Variants in TBC1D1 observed in about 807,000 individuals in gnomAD.
TBC1D1 encodes TBC1 domain family member 1.
In TBC1D1, 89 loss-of-function variants were observed where a neutral mutation model predicts 125.6. That is an observed-to-expected ratio of 0.71 (90% CI 0.60 to 0.85). TBC1D1 has a LOEUF of 0.85. Ranked by LOEUF, TBC1D1 falls within the 40% of genes least tolerant of loss-of-function variation. The pLI is 0.00. For synonymous variants in TBC1D1, 565 were observed against 564.1 expected, an observed-to-expected ratio of 1.00 and a Z score of -0.02; for missense variants, 1,377 against 1,469.2, an observed-to-expected ratio of 0.94 and a Z score of 1.03.
intron 2 of TBC1D1, among the ~76,000 whole-genome samples, chr4:37,909,369 G>C (rs985200421): frequency 3.9e-5 from 6 of 152,144 alleles, no homozygotes; most frequent in African/African-American, 1.4e-4. Flanking sequence ...GTGTCGCTTT[G>C]TATCATTTTG....
intron 12 of TBC1D1, among the ~76,000 whole-genome samples, chr4:38,059,969 T>C (rs184338211): frequency 9.2e-5 from 14 of 152,258 alleles, no homozygotes; most frequent in Admixed American, 6.5e-4. Context: ...AGCAAAAACA[T>C]GTGGTGTTTG....
Position 37,992,501 on chromosome 4 carries a change from T to G in TBC1D1, c.418-22008T>G, listed in dbSNP as rs201411660. ...AGGACTAGAAGTCTGGTGTTTTTTTTTTTTTTTTTTTGAGACGGAGTCTCG... is the reference window on the plus strand; with the variant it reads ...AGGACTAGAAGTCTGGTGTTTTTTTGTTTTTTTTTTTGAGACGGAGTCTCG... On this transcript the variant is annotated intron_variant, in intron 2 of 19. Transcript: ENST00000261439. Among the ~76,000 whole-genome samples the G allele has an allele frequency of 6.6e-5, 10 of 150,684 alleles. No individual in the cohort carries two copies. The East Asian group carries it at 9.7e-4, about 15-fold the overall frequency.
At position 38,096,110 on chromosome 4, in the gene TBC1D1, A is replaced by G. The variant is rs755380684; in HGVS notation, c.2398+20A>G. The G allele has an allele frequency of 6.2e-7, 1 of 1,606,272 alleles. No homozygotes were observed. The highest frequency in any genetic ancestry group is 8.5e-7 in the Non-Finnish European group (1 of 1,175,396). On this transcript the variant is annotated intron_variant, in intron 14 of 19. Coordinates refer to ENST00000261439, the MANE Select transcript of TBC1D1 (RefSeq NM_015173.4). Reference sequence around the variant, plus strand: ...GGCAAGGTAAGCTTCATTGGGAAGCATCTAGTCAACCTCACCCCTCATTGG... The same window carrying G: ...GGCAAGGTAAGCTTCATTGGGAAGCGTCTAGTCAACCTCACCCCTCATTGG...
intron 2 of TBC1D1, among the ~76,000 whole-genome samples, chr4:37,914,896 A>G (rs1363293761): frequency 2.6e-5 from 4 of 152,068 alleles, no homozygotes; most frequent in Admixed American, 2.6e-4. Flanking sequence ...CTGGCCACCC[A>G]CTCAAAAGTA....
At chr4:37,974,427 T>TG (rs764026910) in intron 2 of TBC1D1, among the ~76,000 whole-genome samples, 2 of 152,168 alleles carry the variant, frequency 1.3e-5, no homozygotes, top group African/African-American at 4.8e-5. Flanking sequence ...TATGTAGACA[T>TG]GGGGTCTCAC....
At chr4:38,043,699 T>C (rs1315361821) in intron 8 of TBC1D1, among the ~76,000 whole-genome samples, 1 of 151,994 alleles carries the variant, frequency 6.6e-6, no homozygotes, top group African/African-American at 2.4e-5. Flanking sequence ...TGGCTAGTAG[T>C]TAAGGGAGAG....
chr4:37,916,613 C>A (rs946092885), intron 2 of TBC1D1, among the ~76,000 whole-genome samples: 11 of 152,060 alleles, frequency 7.2e-5, no homozygotes, highest in African/African-American at 2.7e-4. Flanking sequence ...CATAAGCAAC[C>A]AACAAGATTC....
At chr4:38,044,835 G>C (rs1749089031) in intron 9 of TBC1D1, among the ~76,000 whole-genome samples, 1 of 152,180 alleles carries the variant, frequency 6.6e-6, no homozygotes, top group Non-Finnish European at 1.5e-5. Flanking sequence ...TTAAAAAACA[G>C]TTACTGTCAG....
At chr4:38,066,504 T>G (rs1190880987) in intron 12 of TBC1D1, among the ~76,000 whole-genome samples, 1 of 151,224 alleles carries the variant, frequency 6.6e-6, no homozygotes, top group African/African-American at 2.4e-5. Flanking sequence ...GCTAAATGTT[T>G]ACAGTTTTTG....
chr4:37,948,514 C>T (rs566668659), intron 2 of TBC1D1, among the ~76,000 whole-genome samples: 2 of 152,084 alleles, frequency 1.3e-5, no homozygotes, highest in African/African-American at 2.4e-5. Context: ...GTAATCCCAG[C>T]TACTCCACAG....
At chr4:37,897,727 G>T (rs1714960099) in intron 1 of TBC1D1, among the ~76,000 whole-genome samples, 2 of 152,198 alleles carry the variant, frequency 1.3e-5, no homozygotes, top group Non-Finnish European at 2.9e-5. Context: ...TTTATCCTTT[G>T]TAATAATTCT....
chr4:38,104,973 T>C (rs1560799388), intron 15 of TBC1D1, among the ~76,000 whole-genome samples: 1 of 152,090 alleles, frequency 6.6e-6, no homozygotes, highest in Admixed American at 6.5e-5. Context: ...GCCAGGATGG[T>C]CTCAATCTCC....
chr4:38,014,490 C>A lies in TBC1D1; in HGVS notation c.418-19C>A, dbSNP rs760688962. The A allele has an allele frequency of 1.4e-5, 22 of 1,603,744 alleles. No individual in the cohort carries two copies. Among genetic ancestry groups the A allele is most frequent in the Admixed American group, 1.3e-4 (8 of 59,892 alleles). Reference sequence around the variant, plus strand: ...GCCACACTGCATGTTCCAAATAACACGCCTCTCTCTCTCCTCAGGTGCCTG... The same window carrying A: ...GCCACACTGCATGTTCCAAATAACAAGCCTCTCTCTCTCCTCAGGTGCCTG... On this transcript the variant is annotated intron_variant, in intron 2 of 19. Coordinates refer to ENST00000261439, the MANE Select transcript of TBC1D1 (RefSeq NM_015173.4). This position sits in a 1 kb window ranked among gnomAD's most constrained non-coding sequence, Gnocchi z 5.1.
chr4:37,894,715 A>G (rs373584726), intron 1 of TBC1D1, among the ~76,000 whole-genome samples: 1 of 151,594 alleles, frequency 6.6e-6, no homozygotes, highest in South Asian at 2.1e-4. Context: ...TATTATGTTT[A>G]TTTATTTTAT....
At chr4:37,962,449 T>C (rs1374517127) in intron 2 of TBC1D1, among the ~76,000 whole-genome samples, 1 of 152,236 alleles carries the variant, frequency 6.6e-6, no homozygotes, top group Non-Finnish European at 1.5e-5. Flanking sequence ...TTAATGGATA[T>C]GCAACCTTGG....
intron 6 of TBC1D1, among the ~76,000 whole-genome samples, chr4:38,022,665 A>G (rs1211839515): frequency 6.6e-6 from 1 of 152,198 alleles, no homozygotes; most frequent in African/African-American, 2.4e-5. Flanking sequence ...AGTCCACCTG[A>G]GGCAGGAAGT....
intron 3 of TBC1D1, 139 bp from the exon 4 acceptor site, chr4:38,018,215 G>A (rs1256596562): frequency 6.0e-6 from 4 of 666,280 alleles, no homozygotes; most frequent in African/African-American, 5.6e-5. Flanking sequence ...AAATCCAGAG[G>A]ATAAGAGGGG....
At chr4:38,131,271 G>A (rs904509331) in intron 18 of TBC1D1, among the ~76,000 whole-genome samples, 1 of 152,168 alleles carries the variant, frequency 6.6e-6, no homozygotes, top group Admixed American at 6.5e-5. Flanking sequence ...TCCAGGTTAG[G>A]AGATCACTTA....
intron 2 of TBC1D1, among the ~76,000 whole-genome samples, chr4:37,942,602 G>A (rs1370249764): frequency 2.0e-5 from 3 of 151,892 alleles, no homozygotes; most frequent in Admixed American, 6.6e-5. Flanking sequence ...GCAGTGGCAC[G>A]ATCTCGGCTC....
Sources: gnomAD v4.1 joint callset for allele counts (sites outside exome capture counted in the v4.1 genomes callset) on GRCh38, gnomAD v4.1.1 for gene constraint, Gnocchi (gnomAD v3.1) non-coding constraint, MANE v1.5 for transcripts, NCBI Gene and HGNC (gene_info 2026-07-23, HGNC 2026-07-21) for gene names.